Variants in PHF19 observed in about 807,000 individuals in gnomAD.
PHF19 encodes the protein PHD finger protein 19.
PHF19 carries 21 observed loss-of-function variants against 79.8 expected under a neutral mutation model. The observed-to-expected ratio is 0.26, with a 90% CI of 0.19 to 0.38. PHF19 has a LOEUF of 0.38. PHF19 is among the 10% of genes least tolerant of loss of function. The pLI, the probability that PHF19 is intolerant of heterozygous loss-of-function variation, is 1.00. For missense variants in PHF19, 445 were observed against 744.2 expected (o/e 0.60, Z 4.68); for synonymous variants, 273 against 296.3 (o/e 0.92, Z 0.81).
intron 9 of PHF19, 138 bp from the exon 10 acceptor site, chr9:120,864,254 C>A: frequency 1.4e-6 from 1 of 696,814 alleles, no homozygotes; most frequent in Non-Finnish European, 2.6e-6. Context: ...TCCAGGATCT[C>A]AGAAAAGCCT....
rs1475460531 is a variant in PHF19 at position 120,857,388 on chromosome 9, TC to T, written c.*555del. On this transcript the variant is annotated 3_prime_UTR_variant, in exon 15 of 15. Coordinates refer to ENST00000373896, the MANE Select transcript of PHF19 (RefSeq NM_015651.3). ...GGGCTCTCTCCCATCCCACCACCTC[TC>T]TCCGAGGGTAGTGGGGAGTGGCAGG... is the stretch of plus-strand genomic sequence containing the variant. The T allele has an allele frequency of 1.3e-5, 2 of 152,280 alleles. No individual in the cohort carries two copies. Among genetic ancestry groups the T allele is most frequent in the Non-Finnish European group, 2.9e-5 (2 of 68,202 alleles). 9.4% of individuals were successfully genotyped at this position (152,280 alleles called of 1,614,324 possible). A position where few individuals can be genotyped will look rare whatever the true frequency, so the allele number is the denominator to read the frequency against.
intron 8 of PHF19, 61 bp downstream of exon 8, chr9:120,865,967 G>C: frequency 1.3e-6 from 2 of 1,561,482 alleles, no homozygotes; most frequent in Non-Finnish European, 1.8e-6. Flanking sequence ...TTCCAGGAGG[G>C]AGGAGGGAGG....
intron 1 of PHF19, among the ~76,000 whole-genome samples, chr9:120,888,311 C>A (rs73543755): frequency 0.058 from 8,879 of 152,182 alleles, 756 homozygotes; most frequent in African/African-American, 0.19. Flanking sequence ...CCTTAAAAGG[C>A]TAGAAGCTCC....
rs1225497928 is a variant in PHF19 at position 120,869,424 on chromosome 9, C to T, written c.466-94G>A. On this transcript the variant is annotated intron_variant, in intron 5 of 14. Coordinates refer to ENST00000373896, the MANE Select transcript of PHF19 (RefSeq NM_015651.3). This position sits in a 1 kb window ranked among gnomAD's most constrained non-coding sequence, Gnocchi z 5.8. ...TCTATTGAGGGAAGTGCTGCCAGGG[C>T]TTGGGGGACCCGCAGATATTCCAAT... is the stretch of plus-strand genomic sequence containing the variant. 1 of 1,420,984 alleles carries T rather than the reference C, an allele frequency of 7.0e-7. No homozygotes were observed. The highest frequency in any genetic ancestry group is 1.4e-5 in the African/African-American group (1 of 70,728). The allele number at this position is 1,420,984 out of a possible 1,614,324, so 88.0% of individuals were successfully genotyped here.
At chr9:120,884,200 T>C (rs2046231522) in intron 1 of PHF19, among the ~76,000 whole-genome samples, 1 of 150,424 alleles carries the variant, frequency 6.6e-6, no homozygotes, top group African/African-American at 2.5e-5. Context: ...TTGATTGATA[T>C]GATTAAAACA....
At chr9:120,871,987 G>A (rs2045909007) in intron 3 of PHF19, among the ~76,000 whole-genome samples, 1 of 121,286 alleles carries the variant, frequency 8.2e-6, no homozygotes, top group Non-Finnish European at 1.6e-5. Flanking sequence ...GCTGTGAGCC[G>A]AGATCAAGCC....
At chr9:120,882,735 G>A (rs1449683689) in intron 1 of PHF19, among the ~76,000 whole-genome samples, 1 of 151,816 alleles carries the variant, frequency 6.6e-6, no homozygotes, top group Non-Finnish European at 1.5e-5. Flanking sequence ...CCAGCTACTT[G>A]GGAGGCTGAG....
Position 120,870,447 on chromosome 9 carries a change from G to T in PHF19, c.360C>A (p.Gly120=). The change falls in exon 4 of 15, where the codon GGC becomes GGA. Residue 120 remains glycine (G), a synonymous_variant. Transcript: ENST00000373896. The surrounding 1 kb of genome is among the most constrained non-coding windows in gnomAD (Gnocchi z 4.4). ...LNEILICGKC[G]LGYHQQCHIP... is the part of the protein sequence containing the mutation. The stretch of plus-strand genomic sequence containing the variant: ...GGCCCTGCTCGCTCCACTCACCCAG[G>T]CCACACTTCCCGCAGATGAGGATCT... 1 of 1,607,328 alleles carries T rather than the reference G, an allele frequency of 6.2e-7. No homozygotes were observed. The highest frequency in any genetic ancestry group is 8.5e-7 in the Non-Finnish European group (1 of 1,173,798).
intron 6 of PHF19, chr9:120,868,772 C>T (rs982223994): frequency 1.5e-5 from 14 of 955,662 alleles, no homozygotes; most frequent in Admixed American, 1.2e-4. Flanking sequence ...CCTCCCCACC[C>T]CGCCCCTCCA....
intron 1 of PHF19, among the ~76,000 whole-genome samples, chr9:120,885,622 T>C (rs2046252723): frequency 6.7e-6 from 1 of 149,538 alleles, no homozygotes; most frequent in African/African-American, 2.5e-5. Context: ...CTGGCCAAAG[T>C]CCTGCAGGAA....
rs889219235 is a variant in PHF19 at position 120,867,611 on chromosome 9, C to T, written c.615-646G>A. 4.6e-5 allele frequency among the ~76,000 whole-genome samples: 7 copies of T among 152,358 alleles called. No individual in the cohort carries two copies. The East Asian group carries it at 7.7e-4, about 17-fold the overall frequency. On this transcript the variant is annotated intron_variant, in intron 6 of 14. Coordinates refer to ENST00000373896, the MANE Select transcript of PHF19 (RefSeq NM_015651.3). ...GCCTCTGGGATGCATTTTTAACAAG[C>T]ATCCTGTGCAACTCTGCCCATAGGC...
the PHF19 span, chr9:120,902,689 A>C: frequency 6.6e-5 from 10 of 152,342 alleles, no homozygotes; most frequent in African/African-American, 2.4e-4. Flanking sequence ...CAATATTCTC[A>C]GGCTGAGCTT....
rs886447696 is a variant in PHF19 at position 120,870,322 on chromosome 9, A to G, written c.364+121T>C. 1 of 702,594 alleles carries G rather than the reference A, an allele frequency of 1.4e-6. No homozygotes were observed. Among genetic ancestry groups the G allele is most frequent in the Admixed American group, 2.2e-5 (1 of 44,776 alleles). 43.5% of individuals were successfully genotyped at this position (702,594 alleles called of 1,614,324 possible). A position where few individuals can be genotyped will look rare whatever the true frequency, so the allele number is the denominator to read the frequency against. The stretch of plus-strand genomic sequence containing the variant: ...AGCAACTGGCCCCCTTTCACCCTGC[A>G]GTGCCAAGAGAAACAGGAAGCCAGC... On this transcript the variant is annotated intron_variant, in intron 4 of 14. Transcript: ENST00000373896. This position sits in a 1 kb window ranked among gnomAD's most constrained non-coding sequence, Gnocchi z 4.4.
rs373484445 is a variant in PHF19, at chr9:120,868,080, A to G, written c.614+1102T>C. Among the ~76,000 whole-genome samples the G allele has an allele frequency of 6.9e-5, 10 of 143,904 alleles. No individual in the cohort carries two copies. The South Asian group carries it at 1.1e-3, about 15-fold the overall frequency. 94.4% of individuals were successfully genotyped at this position (143,904 alleles called of 152,430 possible). On this transcript the variant is annotated intron_variant, in intron 6 of 14. Transcript: ENST00000373896. ...ATCTCCAGGGAAAAGAATCTTTTCT[A>G]TTTTTGGAGACAGGGTCGTCCTGCT...
Position 120,870,626 on chromosome 9 carries a change from G to C in PHF19, c.269-88C>G. Reference sequence around the variant, plus strand: ...TCCAGATGCCCAGCCTCTAATGTCTGCTAGGCCTAGCGCTGGGCCCCACAT... The same window carrying C: ...TCCAGATGCCCAGCCTCTAATGTCTCCTAGGCCTAGCGCTGGGCCCCACAT... On this transcript the variant is annotated intron_variant, in intron 3 of 14. Transcript: ENST00000373896. The surrounding 1 kb of genome is among the most constrained non-coding windows in gnomAD (Gnocchi z 4.4). The C allele has an allele frequency of 1.3e-6, 1 of 797,752 alleles. No individual in the cohort carries two copies. 49.4% of individuals were successfully genotyped at this position (797,752 alleles called of 1,614,324 possible).
At chr9:120,895,198 G>A (rs976386349), upstream of PHF19, among the ~76,000 whole-genome samples, 1 of 152,090 alleles carries the variant, frequency 6.6e-6, no homozygotes, top group Non-Finnish European at 1.5e-5. Context: ...AACTCCAGAG[G>A]GAGGGGACCC....
At position 120,861,186 on chromosome 9, in the gene PHF19, G is replaced by A. The variant is rs1042995766; in HGVS notation, c.1219-12C>T. On this transcript the variant is annotated splice_polypyrimidine_tract_variant and intron_variant, in intron 12 of 14. Transcript: ENST00000373896. ...GAGGTGAAGTCACTCTGTGGACACA[G>A]GAAGGAGAGAGGAAGGGTCAGACAG... The A allele has an allele frequency of 1.3e-6, 2 of 1,516,142 alleles. No homozygotes were observed. Among genetic ancestry groups the A allele is most frequent in the Non-Finnish European group, 1.8e-6 (2 of 1,090,650 alleles). The allele number at this position is 1,516,142 out of a possible 1,614,324, so 93.9% of individuals were successfully genotyped here. A position where few individuals can be genotyped will look rare whatever the true frequency, so the allele number is the denominator to read the frequency against.
chr9:120,879,974 A>G (rs1424605329), upstream of PHF19, among the ~76,000 whole-genome samples: 3 of 149,230 alleles, frequency 2.0e-5, no homozygotes, highest in East Asian at 6.1e-4. Flanking sequence ...CATCCACCAG[A>G]TGGGCACGGA....
Position 120,860,140 on chromosome 9 carries a change from G to T in PHF19, c.1350C>A (p.Asp450Glu). Reference protein sequence around the residue: ...QTFFSDVDSTDAASTSGSAST... With the variant: ...QTFFSDVDSTEAASTSGSAST... ...AGGCAGAGCCAGAGGTGCTGGCAGC[G>T]TCGGTGGAGTCGACATCTGAGAAGA... Residue 450 changes from aspartate (D) to glutamate (E), a missense_variant, in exon 14 of 15, where the codon GAC becomes GAA. By Grantham distance (45) the Asp-to-Glu change is conservative. This residue lies in a region of PHF19 where 125 missense variants were observed against 180.5 expected (regional missense o/e 0.69). Transcript: ENST00000373896. This position sits in a 1 kb window ranked among gnomAD's most constrained non-coding sequence, Gnocchi z 4.1. The T allele has an allele frequency of 6.3e-7, 1 of 1,599,626 alleles. No individual in the cohort carries two copies. The highest frequency in any genetic ancestry group is 8.5e-7 in the Non-Finnish European group (1 of 1,172,936).
Sources: gnomAD v4.1 joint callset for allele counts (sites outside exome capture counted in the v4.1 genomes callset) on GRCh38, gnomAD v4.1.1 for gene constraint, gnomAD v4.1.1 regional missense constraint, Gnocchi (gnomAD v3.1) non-coding constraint, MANE v1.5 for transcripts, NCBI Gene and HGNC (gene_info 2026-07-23, HGNC 2026-07-21) for gene names.